Variants in CDH4 observed in about 807,000 individuals in gnomAD.
CDH4 encodes the protein cadherin 4.
CDH4 carries 33 observed loss-of-function variants against 86.0 expected under a neutral mutation model. That is an observed-to-expected ratio of 0.38 (90% confidence interval 0.29 to 0.51). The LOEUF (loss-of-function observed/expected upper bound fraction) is 0.51. CDH4 is among the 20% of genes least tolerant of loss of function. The pLI is 0.86. For synonymous variants in CDH4, 555 were observed against 549.4 expected (o/e 1.01, Z -0.14); for missense variants, 1,114 against 1,307.4 (o/e 0.85, Z 2.28).
At chr20:61,371,215 C>T (rs1486915776) in intron 2 of CDH4, among the ~76,000 whole-genome samples, 1 of 152,062 alleles carries the variant, frequency 6.6e-6, no homozygotes, top group Admixed American at 6.5e-5. Context: ...GCAGTGCTGG[C>T]GGTGATGGGG....
chr20:61,476,969 G>A (rs2085539972), intron 2 of CDH4, among the ~76,000 whole-genome samples: 3 of 152,202 alleles, frequency 2.0e-5, no homozygotes, highest in South Asian at 2.1e-4. Context: ...CAGAAGCCCC[G>A]GGAGAGACAG....
chr20:61,315,664 A>G (rs185197128), intron 2 of CDH4, among the ~76,000 whole-genome samples: 12 of 152,334 alleles, frequency 7.9e-5, no homozygotes, highest in African/African-American at 2.9e-4. Context: ...TAAAAGTTGT[A>G]TATATTTATG....
At position 61,873,740 on chromosome 20, in the gene CDH4, T is replaced by A. The variant is rs1983900900; in HGVS notation, c.890T>A (p.Met297Lys). 1 of 1,613,456 alleles carries A rather than the reference T, an allele frequency of 6.2e-7. No individual in the cohort carries two copies. The highest frequency in any genetic ancestry group is 1.3e-5 in the African/African-American group (1 of 75,070). Residue 297 changes from methionine to lysine, a missense_variant, in exon 7 of 16, where the codon ATG (methionine) becomes AAG (lysine). Coordinates refer to ENST00000614565, the MANE Select transcript of CDH4 (RefSeq NM_001794.5). ...DEGSKPGTYV[M>K]TVTANDADDS... ...GTCTCCGTTCCAGGCACCTACGTGA[T>A]GACCGTCACGGCCAACGATGCTGAC...
rs1568875365 is a variant in CDH4 at position 61,520,928 on chromosome 20, G to A, written c.170-222635G>A. On this transcript the variant is annotated intron_variant, in intron 2 of 15. Coordinates refer to ENST00000614565, the MANE Select transcript of CDH4 (RefSeq NM_001794.5). ...GCGAAGGGAGCAAACCCAGGTCAGTGCAGCTCTGCGGGGGTGCAGCTCCAG... is the reference window on the plus strand; with the variant it reads ...GCGAAGGGAGCAAACCCAGGTCAGTACAGCTCTGCGGGGGTGCAGCTCCAG... Among the ~76,000 whole-genome samples, 4 of 152,228 alleles carry A rather than the reference G, an allele frequency of 2.6e-5. No homozygotes were observed. In the South Asian group the frequency reaches 8.3e-4, roughly 32 times the overall value.
At chr20:61,333,727 C>T (rs766228188) in intron 2 of CDH4, among the ~76,000 whole-genome samples, 94 of 152,244 alleles carry the variant, frequency 6.2e-4, no homozygotes, top group Non-Finnish European at 1.1e-3. Flanking sequence ...CGCTTTCAGG[C>T]GAAGAGCATC....
At chr20:61,651,080 C>A (rs2087115721) in intron 2 of CDH4, among the ~76,000 whole-genome samples, 1 of 151,716 alleles carries the variant, frequency 6.6e-6, no homozygotes, top group African/African-American at 2.4e-5. Flanking sequence ...CCGTGCTTGG[C>A]CGTGCACTGG....
At chr20:61,296,342 A>T (rs1057211861) in intron 2 of CDH4, among the ~76,000 whole-genome samples, 2 of 144,866 alleles carry the variant, frequency 1.4e-5, no homozygotes, top group East Asian at 2.0e-4. Flanking sequence ...TGTGTGTGTG[A>T]GAGAGAGATC....
rs562786981 is a variant in CDH4, at chr20:61,921,811, T to C, written c.1375-1640T>C. 2.8e-4 allele frequency among the ~76,000 whole-genome samples: 42 copies of C among 151,784 alleles called. 1 individual carries two copies. The South Asian group carries it at 8.5e-3, about 31-fold the overall frequency. ...AGAAATAGAGAGCAAACTCACAAAC[T>C]CACACTCCCAGCTGTGACCCTGACC... On this transcript the variant is annotated intron_variant, in intron 9 of 15. Coordinates refer to ENST00000614565, the MANE Select transcript of CDH4 (RefSeq NM_001794.5).
intron 2 of CDH4, among the ~76,000 whole-genome samples, chr20:61,695,891 G>A (rs1340557589): frequency 1.3e-5 from 2 of 152,198 alleles, no homozygotes; most frequent in African/African-American, 4.8e-5. Context: ...AGGAAAGGAT[G>A]CAGCTCCTCC....
chr20:61,253,234 G>A (rs1259676521), intron 1 of CDH4, among the ~76,000 whole-genome samples: 2 of 151,148 alleles, frequency 1.3e-5, no homozygotes, highest in Non-Finnish European at 3.0e-5. Flanking sequence ...GCTGGGCCGG[G>A]CTTGGGCCGG....
intron 2 of CDH4, among the ~76,000 whole-genome samples, chr20:61,527,305 C>T (rs1242383046): frequency 6.6e-6 from 1 of 151,868 alleles, no homozygotes; most frequent in African/African-American, 2.4e-5. Flanking sequence ...GGCTGGAGTG[C>T]AGTGGCAAAT....
In CDH4 at chr20:61,759,062, G is replaced by A. The variant is rs138172525; in HGVS notation, c.397-13941G>A. On this transcript the variant is annotated intron_variant, in intron 3 of 15. Transcript: ENST00000614565. Reference sequence around the variant, plus strand: ...GTTCGCACATGGGATGTGTGTGCACGCATGTGCATATTTGTGCATGCATGT... The same window carrying A: ...GTTCGCACATGGGATGTGTGTGCACACATGTGCATATTTGTGCATGCATGT... 3.2e-4 allele frequency among the ~76,000 whole-genome samples: 48 copies of A among 152,280 alleles called. 1 individual carries two copies. The highest frequency in any genetic ancestry group is 9.4e-4 in the African/African-American group (39 of 41,558).
chr20:61,341,153 A>G (rs2084647504), intron 2 of CDH4, among the ~76,000 whole-genome samples: 1 of 152,164 alleles, frequency 6.6e-6, no homozygotes. Flanking sequence ...CATGAGATAA[A>G]CACATTTCAA....
rs78381092 is a variant in CDH4 at position 61,319,370 on chromosome 20, G to A, written c.169+64433G>A. On this transcript the variant is annotated intron_variant, in intron 2 of 15. Transcript: ENST00000614565. ...TAAAAATTCCCTGTTATGCTCCACC[G>A]GGAAGCAGGGCTAGATCGCACTGTT... is the stretch of plus-strand genomic sequence containing the variant. Among the ~76,000 whole-genome samples the A allele has an allele frequency of 2.3e-3, 351 of 152,128 alleles. 1 individual carries two copies. The highest frequency in any genetic ancestry group is 8.1e-3 in the African/African-American group (336 of 41,516).
chr20:61,259,148 C>G (rs2084116264), intron 2 of CDH4, among the ~76,000 whole-genome samples: 1 of 152,192 alleles, frequency 6.6e-6, no homozygotes, highest in Admixed American at 6.5e-5. Context: ...AGTTGACAGA[C>G]AGTGAATTGC....
chr20:61,464,070 AT>A (rs1238192687), intron 2 of CDH4, among the ~76,000 whole-genome samples: 9 of 152,152 alleles, frequency 5.9e-5, no homozygotes, highest in Admixed American at 5.9e-4. Context: ...CCATAAGCTT[AT>A]GGTTCAGGTA....
chr20:61,694,237 C>T (rs751876624), intron 2 of CDH4, among the ~76,000 whole-genome samples: 15 of 152,168 alleles, frequency 9.9e-5, no homozygotes, highest in South Asian at 4.2e-4. Flanking sequence ...GGAAGAGGCG[C>T]AGGTAGAGTG....
chr20:61,537,851 A>G (rs112086861), intron 2 of CDH4, among the ~76,000 whole-genome samples: 2 of 152,154 alleles, frequency 1.3e-5, no homozygotes, highest in Non-Finnish European at 2.9e-5. Context: ...AGTGACAGAA[A>G]CATCACAGCG....
chr20:61,402,753 C>T (rs774081991), intron 2 of CDH4, among the ~76,000 whole-genome samples: 14 of 152,206 alleles, frequency 9.2e-5, no homozygotes, highest in Admixed American at 2.6e-4. Context: ...ATATGGAACC[C>T]ATGGATATGG....
Sources: gnomAD v4.1 joint callset for allele counts (sites outside exome capture counted in the v4.1 genomes callset) on GRCh38, gnomAD v4.1.1 for gene constraint, MANE v1.5 for transcripts, NCBI Gene and HGNC (gene_info 2026-07-23, HGNC 2026-07-21) for gene names.